Variants in PARG observed in about 807,000 individuals in gnomAD.
PARG encodes mitochondrial poly(ADP-ribose) glycohydrolase.
Under a neutral mutation model 113.0 loss-of-function variants are expected in PARG, and 35 were observed. The ratio of observed to expected loss-of-function variants is 0.31; its 90% CI spans 0.24 to 0.41. The LOEUF is 0.41. PARG is among the 10% of genes least tolerant of loss of function. The pLI is 1.00. For synonymous variants in PARG, 330 were observed against 409.9 expected, an observed-to-expected ratio of 0.81 and a Z score of 2.36; for missense variants, 797 against 1,169.4, an observed-to-expected ratio of 0.68 and a Z score of 4.64.
At chr10:49,836,960 T>C (rs183611206) in intron 15 of PARG, among the ~76,000 whole-genome samples, 1 of 152,228 alleles carries the variant, frequency 6.6e-6, no homozygotes, top group Non-Finnish European at 1.5e-5. Context: ...ACAAGTGATT[T>C]GTTTCTTCTC....
In PARG at chr10:49,842,072, G is replaced by C; in HGVS notation, c.2433-14C>G. ...TGCCAGTCGTCCCTGGGACAGGAAGGAAAGGGGAGAAAAGATAAGGAACAG... is the reference window on the plus strand; with the variant it reads ...TGCCAGTCGTCCCTGGGACAGGAAGCAAAGGGGAGAAAAGATAAGGAACAG... On this transcript the variant is annotated splice_polypyrimidine_tract_variant and intron_variant, in intron 14 of 17. Coordinates refer to ENST00000616448, the MANE Select transcript of PARG (RefSeq NM_003631.5). 6.6e-7 allele frequency: 1 copy of C among 1,515,512 alleles called. No individual in the cohort carries two copies. Among genetic ancestry groups the C allele is most frequent in the South Asian group, 1.2e-5 (1 of 83,316 alleles). The allele number at this position is 1,515,512 out of a possible 1,614,324, so 93.9% of individuals were successfully genotyped here. A position where few individuals can be genotyped will look rare whatever the true frequency, so the allele number is the denominator to read the frequency against.
At chr10:49,904,363 G>A (rs1195592524) in intron 7 of PARG, among the ~76,000 whole-genome samples, 14 of 149,838 alleles carry the variant, frequency 9.3e-5, no homozygotes, top group Non-Finnish European at 1.8e-4. Flanking sequence ...GGTATTGAAA[G>A]TTCTCACTAT....
intron 6 of PARG, among the ~76,000 whole-genome samples, chr10:49,917,669 T>C (rs1435093167): frequency 6.6e-6 from 1 of 150,524 alleles, no homozygotes; most frequent in Non-Finnish European, 1.5e-5. Context: ...ATACAAAAAT[T>C]AACCAGGCAT....
chr10:49,912,612 G>A (rs188661488), intron 7 of PARG, among the ~76,000 whole-genome samples: 66 of 152,042 alleles, frequency 4.3e-4, no homozygotes, highest in South Asian at 2.1e-3. Context: ...GCAGTGAGCC[G>A]AGATTACATC....
intron 15 of PARG, among the ~76,000 whole-genome samples, chr10:49,835,541 T>G (rs2132413921): frequency 6.6e-6 from 1 of 151,206 alleles, no homozygotes; most frequent in South Asian, 2.1e-4. Flanking sequence ...TGCAAAGGGG[T>G]GTATTGAGAA....
intron 16 of PARG, among the ~76,000 whole-genome samples, chr10:49,825,634 T>C (rs2132361476): frequency 6.6e-6 from 1 of 152,336 alleles, no homozygotes; most frequent in South Asian, 2.1e-4. Context: ...TGAACATATA[T>C]TGGTTTTTAA....
chr10:49,924,537 G>T (rs1400427503), intron 4 of PARG, among the ~76,000 whole-genome samples: 1 of 145,846 alleles, frequency 6.9e-6, no homozygotes, highest in South Asian at 2.2e-4. Context: ...AAAATTCTAA[G>T]CCCCGCAACC....
chr10:49,917,844 A>AT (rs1837590751), intron 6 of PARG, among the ~76,000 whole-genome samples: 1 of 151,612 alleles, frequency 6.6e-6, no homozygotes, highest in African/African-American at 2.4e-5. Flanking sequence ...GAAAGAAAAA[A>AT]AAAATTAAAA....
At position 49,921,758 on chromosome 10, in the gene PARG, T is replaced by TAC. The variant is rs1292830913; in HGVS notation, c.1662+576_1662+577dup. Among the ~76,000 whole-genome samples the TAC allele has an allele frequency of 2.0e-4, 31 of 151,930 alleles. No homozygotes were observed. The South Asian group carries it at 5.8e-3, about 28-fold the overall frequency. On this transcript the variant is annotated intron_variant, in intron 6 of 17. Transcript: ENST00000616448. ...GCCCCCAAATATAAATATATATATATACACACACACTCTCACTCATATTTT... is the reference window on the plus strand; with the variant it reads ...GCCCCCAAATATAAATATATATATATACACACACACACTCTCACTCATATTTT...
Position 49,879,730 on chromosome 10 carries a change from C to T in PARG, c.1931G>A (p.Arg644Gln), listed in dbSNP as rs782668750. The change falls in exon 9 of 18, where the codon CGA (arginine) becomes CAA (glutamine). Residue 644 changes from arginine to glutamine, a missense_variant. Physicochemically the swap from Arg to Gln is conservative, Grantham distance 43. Transcript: ENST00000616448. ...LANAFFCTFP[R>Q]RNAKMKSEYS... The stretch of plus-strand genomic sequence containing the variant: ...CTCCGATTTCATCTTAGCATTTCGT[C>T]GTGGAAATGTGCAGAAGAAAGCATT... 13 of 1,580,520 alleles carry T rather than the reference C, an allele frequency of 8.2e-6. No individual in the cohort carries two copies. Among genetic ancestry groups the T allele is most frequent in the Middle Eastern group, 2.3e-4 (1 of 4,420 alleles).
At chr10:49,928,280 A>G (rs190786300) in intron 4 of PARG, among the ~76,000 whole-genome samples, 1 of 152,278 alleles carries the variant, frequency 6.6e-6, no homozygotes, top group African/African-American at 2.4e-5. Context: ...CGAAAAAAAA[A>G]AAAAGTCAGA....
chr10:49,902,894 G>A (rs1193312533), intron 7 of PARG, among the ~76,000 whole-genome samples: 9 of 151,388 alleles, frequency 5.9e-5, no homozygotes, highest in African/African-American at 1.9e-4. Flanking sequence ...GTGCAATGGC[G>A]CGATCTCGGC....
rs1157357042 is a variant in PARG, at chr10:49,941,814, T to A, written c.-89A>T. ...GAGAGAGATGGACTGCGCCTCCTTC[T>A]CAGCGCCTGCCTGCACCATTCCCTC... On this transcript the variant is annotated 5_prime_UTR_variant, in exon 1 of 18. Transcript: ENST00000616448. 6 of 1,534,108 alleles carry A rather than the reference T, an allele frequency of 3.9e-6. No individual in the cohort carries two copies. In the African/African-American group the frequency reaches 6.9e-5, roughly 18 times the overall value.
intron 13 of PARG, among the ~76,000 whole-genome samples, chr10:49,856,115 TC>T (rs1280370864): frequency 6.7e-6 from 1 of 149,734 alleles, no homozygotes; most frequent in Non-Finnish European, 1.5e-5. Context: ...TGACTAAATT[TC>T]CCCCCTCCTC....
At chr10:49,850,893 CAACT>C (rs1845730262) in intron 13 of PARG, among the ~76,000 whole-genome samples, 1 of 151,506 alleles carries the variant, frequency 6.6e-6, no homozygotes, top group Admixed American at 6.6e-5. Context: ...TTTAACATGC[CAACT>C]GTCTCCTTCG....
chr10:49,841,985 A>G lies in PARG; in HGVS notation c.2506T>C (p.Phe836Leu). 6.5e-7 allele frequency: 1 copy of G among 1,549,836 alleles called. No homozygotes were observed. Among genetic ancestry groups the G allele is most frequent in the Non-Finnish European group, 8.7e-7 (1 of 1,146,800 alleles). ...ALHFRRYLDQ[F>L]VPEKMRRELN... ...TCGCGTCTCATTTTCTCAGGCACAA[A>G]CTGATCGAGGTAGCGTCTGAAGTGA... Residue 836 changes from phenylalanine to leucine, a missense_variant, in exon 15 of 18, where the codon TTT becomes CTT. Around this residue, in one of 5 missense-constraint regions of PARG, gnomAD observed 194 missense variants for 247.1 expected, o/e 0.79. Coordinates refer to ENST00000616448, the MANE Select transcript of PARG (RefSeq NM_003631.5).
intron 13 of PARG, among the ~76,000 whole-genome samples, chr10:49,856,770 G>A (rs1197826968): frequency 5.3e-5 from 8 of 152,046 alleles, no homozygotes; most frequent in African/African-American, 1.2e-4. Flanking sequence ...AGCAATTTGG[G>A]AGGCCGAGGC....
chr10:49,927,418 G>GAAAGA (rs1838261010), intron 4 of PARG, among the ~76,000 whole-genome samples: 1 of 135,100 alleles, frequency 7.4e-6, no homozygotes, highest in African/African-American at 2.6e-5. Context: ...AAGAAAGAAA[G>GAAAGA]AAAAATAAAC....
chr10:49,822,334 C>T (rs1844140336), intron 16 of PARG, among the ~76,000 whole-genome samples: 1 of 152,108 alleles, frequency 6.6e-6, no homozygotes, highest in Admixed American at 6.5e-5. Flanking sequence ...ACACTCAGCA[C>T]CCAAATCTTG....
Sources: allele counts gnomAD v4.1 joint callset (sites outside exome capture counted in the v4.1 genomes callset), GRCh38; gene constraint gnomAD v4.1.1; regional missense constraint gnomAD v4.1.1; transcripts MANE v1.5; gene names NCBI Gene and HGNC (gene_info 2026-07-23, HGNC 2026-07-21).